The following ACVR1B variants were observed in gnomAD, a reference collection of about 807,000 sequenced individuals.
The protein encoded by ACVR1B is activin receptor type-1B.
In ACVR1B, 15 loss-of-function variants were observed where a neutral mutation model predicts 55.6. That is an observed-to-expected ratio of 0.27 (90% CI 0.18 to 0.42). ACVR1B has a LOEUF of 0.42. Among genes scored for constraint, ACVR1B ranks in the 10% least tolerant of loss-of-function variants. The pLI, the probability that ACVR1B is intolerant of heterozygous loss-of-function variation, is 1.00. For missense variants in ACVR1B, 359 were observed against 670.1 expected, an observed-to-expected ratio of 0.54 and a Z score of 5.13; for synonymous variants, 247 against 254.6, an observed-to-expected ratio of 0.97 and a Z score of 0.28.
At chr12:51,964,539 A>C (rs1941603292) in intron 1 of ACVR1B, among the ~76,000 whole-genome samples, 1 of 152,202 alleles carries the variant, frequency 6.6e-6, no homozygotes, top group African/African-American at 2.4e-5. Flanking sequence ...ACCATTGCCA[A>C]ATCCAAGTTC....
chr12:51,992,703 TG>T (rs1406460356), intron 8 of ACVR1B, among the ~76,000 whole-genome samples: 3 of 152,132 alleles, frequency 2.0e-5, no homozygotes, highest in African/African-American at 7.2e-5. Flanking sequence ...GACATGCCTG[TG>T]AGGAAAGTGG....
At chr12:51,968,015 A>C (rs1941674462) in intron 1 of ACVR1B, among the ~76,000 whole-genome samples, 1 of 152,188 alleles carries the variant, frequency 6.6e-6, no homozygotes. Context: ...CGGGTGGATC[A>C]CCTGAGGTCA....
At chr12:51,957,697 G>A (rs1316942898) in intron 1 of ACVR1B, among the ~76,000 whole-genome samples, 2 of 152,116 alleles carry the variant, frequency 1.3e-5, no homozygotes, top group Non-Finnish European at 2.9e-5. Context: ...GAGCTACCAT[G>A]CCTGGCTTTG....
intron 1 of ACVR1B, among the ~76,000 whole-genome samples, chr12:51,968,011 G>C (rs1941674422): frequency 6.6e-6 from 1 of 152,160 alleles, no homozygotes; most frequent in African/African-American, 2.4e-5. Flanking sequence ...GAGGCGGGTG[G>C]ATCACCTGAG....
intron 1 of ACVR1B, among the ~76,000 whole-genome samples, chr12:51,956,431 A>G (rs1268514487): frequency 1.3e-5 from 2 of 152,248 alleles, no homozygotes; most frequent in African/African-American, 4.8e-5. Context: ...CTAAATCTCT[A>G]TTATGGAACT....
chr12:51,960,937 G>C (rs532761262), intron 1 of ACVR1B, among the ~76,000 whole-genome samples: 1 of 152,286 alleles, frequency 6.6e-6, no homozygotes, highest in Non-Finnish European at 1.5e-5. Flanking sequence ...TCTTGCCTTT[G>C]GCTGGAACCT....
At position 51,975,485 on chromosome 12, in the gene ACVR1B, C is replaced by A. The variant is rs754112316; in HGVS notation, c.312C>A (p.Ile104=). 1.2e-6 allele frequency: 2 copies of A among 1,614,110 alleles called. No homozygotes were observed. The highest frequency in any genetic ancestry group is 1.1e-5 in the South Asian group (1 of 91,078). Residue 104 remains isoleucine (I), a synonymous_variant, in exon 2 of 9, where the codon ATC becomes ATA. Transcript: ENST00000257963. ...GCTACACTGACTACTGCAACAGGAT[C>A]GACTTGAGGGTGCCCAGTGGTGAGT... ...HCCYTDYCNR[I]DLRVPSGHLK...
chr12:51,990,867 T>C (rs753309887), intron 7 of ACVR1B, among the ~76,000 whole-genome samples: 6 of 152,228 alleles, frequency 3.9e-5, no homozygotes, highest in Non-Finnish European at 5.9e-5. Context: ...AGAGTTCACA[T>C]ATTCTACTCT....
chr12:51,979,557 C>G (rs1251416821), intron 3 of ACVR1B, among the ~76,000 whole-genome samples: 1 of 150,902 alleles, frequency 6.6e-6, no homozygotes, highest in Non-Finnish European at 1.5e-5. Flanking sequence ...AATGAAAATA[C>G]CTTGAGTAAA....
chr12:51,955,969 A>C (rs1396145039), intron 1 of ACVR1B, among the ~76,000 whole-genome samples: 1 of 152,242 alleles, frequency 6.6e-6, no homozygotes, highest in African/African-American at 2.4e-5. Context: ...TGCAGGTTTA[A>C]CTTGAGCTTT....
chr12:51,974,731 G>T (rs1941813621), intron 1 of ACVR1B, among the ~76,000 whole-genome samples: 1 of 152,198 alleles, frequency 6.6e-6, no homozygotes, highest in Non-Finnish European at 1.5e-5. Context: ...AAGGCAGGAG[G>T]ACAATAATGG....
intron 3 of ACVR1B, among the ~76,000 whole-genome samples, chr12:51,977,991 T>G (rs1941901445): frequency 1.3e-5 from 2 of 152,218 alleles, no homozygotes; most frequent in South Asian, 4.1e-4. Flanking sequence ...AAGACTGTTG[T>G]TCTGTGGGGA....
At chr12:51,972,423 TTA>T (rs1491567878) in intron 1 of ACVR1B, among the ~76,000 whole-genome samples, 1 of 152,244 alleles carries the variant, frequency 6.6e-6, no homozygotes, top group Non-Finnish European at 1.5e-5. Flanking sequence ...GATTCTTGTG[TTA>T]CAGTTGCCTA....
chr12:51,993,133 G>A (rs139006023), intron 8 of ACVR1B, among the ~76,000 whole-genome samples: 145 of 152,340 alleles, frequency 9.5e-4, no homozygotes, highest in Middle Eastern at 6.8e-3. Context: ...TGTTGCTTGT[G>A]TGTGTAGTGA....
chr12:51,957,022 G>T (rs1941423267), intron 1 of ACVR1B, among the ~76,000 whole-genome samples: 2 of 152,090 alleles, frequency 1.3e-5, no homozygotes, highest in Admixed American at 6.5e-5. Flanking sequence ...ACTCACCTGG[G>T]CTTCACCTGC....
At chr12:51,990,734 C>T (rs1840090390) in intron 7 of ACVR1B, among the ~76,000 whole-genome samples, 1 of 152,306 alleles carries the variant, frequency 6.6e-6, no homozygotes, top group South Asian at 2.1e-4. Context: ...TTGATGAATA[C>T]ACCTCCTACA....
intron 1 of ACVR1B, among the ~76,000 whole-genome samples, chr12:51,973,523 G>A (rs891384478): frequency 2.0e-5 from 3 of 152,180 alleles, no homozygotes; most frequent in Admixed American, 6.5e-5. Context: ...AAAGCAGAAA[G>A]AATAAGAGAG....
intron 1 of ACVR1B, chr12:51,953,525 G>C: frequency 2.0e-6 from 2 of 984,788 alleles, no homozygotes; most frequent in Non-Finnish European, 2.4e-6. Context: ...GCATGAATAA[G>C]GATGTTCGTC....
At chr12:51,990,640 G>A (rs773689487) in intron 7 of ACVR1B, among the ~76,000 whole-genome samples, 5 of 152,082 alleles carry the variant, frequency 3.3e-5, no homozygotes, top group Non-Finnish European at 7.4e-5. Context: ...TTAACATCTA[G>A]TCAGTGTTGA....
Sources: gnomAD v4.1 joint callset for allele counts (sites outside exome capture counted in the v4.1 genomes callset) on GRCh38, gnomAD v4.1.1 for gene constraint, MANE v1.5 for transcripts, NCBI Gene and HGNC (gene_info 2026-07-23, HGNC 2026-07-21) for gene names.